HIPK2: variants seen among roughly 807,000 people sequenced by gnomAD.
The protein encoded by HIPK2 is homeodomain-interacting protein kinase 2.
A neutral mutation model predicts 113.7 loss-of-function variants in HIPK2; 27 were observed. The ratio of observed to expected loss-of-function variants is 0.24; its 90% CI spans 0.17 to 0.33. The LOEUF (loss-of-function observed/expected upper bound fraction) is 0.33, where lower values mean the gene tolerates loss of function less well. HIPK2 is among the 10% of genes least tolerant of loss of function. The probability of loss-of-function intolerance (pLI) is 1.00; values close to 1 mark genes in which losing one functional copy is unlikely to be tolerated. For synonymous variants in HIPK2, 631 were observed against 642.2 expected (o/e 0.98, Z 0.26); for missense variants, 1,257 against 1,588.0 (o/e 0.79, Z 3.54).
intron 2 of HIPK2, among the ~76,000 whole-genome samples, chr7:139,653,728 G>C (rs531458012): frequency 6.6e-6 from 1 of 151,630 alleles, no homozygotes; most frequent in African/African-American, 2.4e-5. Flanking sequence ...TGGCCTCCTC[G>C]AGACTGTTGT....
At chr7:139,582,224 G>A (rs1798689991) in intron 13 of HIPK2, among the ~76,000 whole-genome samples, 1 of 152,212 alleles carries the variant, frequency 6.6e-6, no homozygotes, top group Admixed American at 6.5e-5. Flanking sequence ...CTAATTTTGG[G>A]AGGGCTCCAG....
intron 10 of HIPK2, among the ~76,000 whole-genome samples, chr7:139,603,463 G>A (rs1200240372): frequency 6.6e-6 from 1 of 152,152 alleles, no homozygotes; most frequent in Admixed American, 6.5e-5. Flanking sequence ...ACAGATGCAG[G>A]GGGTATGCTG....
intron 2 of HIPK2, among the ~76,000 whole-genome samples, chr7:139,670,751 C>CTTTTTTTTT (rs1802244998): frequency 1.5e-4 from 9 of 58,986 alleles, no homozygotes; most frequent in African/African-American, 4.3e-4. Flanking sequence ...TTCTTTCTTT[C>CTTTTTTTTT]TTTCTTTCTT....
rs547691856 is a variant in HIPK2 at position 139,763,472 on chromosome 7, G to GCC, written c.19+14131_19+14132dup. On this transcript the variant is annotated intron_variant, in intron 1 of 14. Transcript: ENST00000406875. ...TAGGAGTAAGATTTTGCCGGAACAC[G>GCC]CCCCCCCCCCCACACGCCCCTCCCA... Among the ~76,000 whole-genome samples the GCC allele has an allele frequency of 3.9e-3, 392 of 100,764 alleles. 6 individuals are homozygous for GCC. Among genetic ancestry groups the GCC allele is most frequent in the South Asian group, 0.025 (63 of 2,558 alleles). 66.1% of individuals were successfully genotyped at this position (100,764 alleles called of 152,430 possible).
chr7:139,773,802 G>T (rs1000110594), intron 1 of HIPK2, among the ~76,000 whole-genome samples: 1 of 152,190 alleles, frequency 6.6e-6, no homozygotes, highest in Non-Finnish European at 1.5e-5. Flanking sequence ...ACCACCTCTG[G>T]GTGCTCCCTT....
intron 1 of HIPK2, among the ~76,000 whole-genome samples, chr7:139,762,215 G>C (rs904003060): frequency 5.9e-5 from 9 of 152,222 alleles, no homozygotes; most frequent in African/African-American, 2.2e-4. Context: ...TCATTGCTTA[G>C]ATGATTCTCT....
chr7:139,608,175 C>T (rs1302132077), intron 9 of HIPK2, among the ~76,000 whole-genome samples: 4 of 151,202 alleles, frequency 2.6e-5, no homozygotes, highest in African/African-American at 7.3e-5. Context: ...ACCCAGGAGG[C>T]GGAGGTTACA....
chr7:139,716,989 A>T lies in HIPK2; in HGVS notation c.46T>A (p.Ser16Thr). Reference protein sequence around the residue: ...EGMASHVQVFSPHTLQSSAFC... With the variant: ...EGMASHVQVFTPHTLQSSAFC... ...GCACTTGATTGAAGGGTGTGAGGGG[A>T]GAAAACTTGCACATGTGAGGCCATA... The change falls in exon 2 of 15, where the codon TCC (serine) becomes ACC (threonine). Residue 16 changes from serine (S) to threonine (T), a missense_variant. Physicochemically the swap from Ser to Thr is moderately conservative, Grantham distance 58. Transcript: ENST00000406875. The surrounding 1 kb of genome is among the most constrained non-coding windows in gnomAD (Gnocchi z 9.3). 6.2e-7 allele frequency: 1 copy of T among 1,611,256 alleles called. No individual in the cohort carries two copies. The highest frequency in any genetic ancestry group is 8.5e-7 in the Non-Finnish European group (1 of 1,177,600).
intron 9 of HIPK2, among the ~76,000 whole-genome samples, chr7:139,612,252 T>C (rs1034032393): frequency 6.6e-6 from 1 of 152,194 alleles, no homozygotes; most frequent in Non-Finnish European, 1.5e-5. Flanking sequence ...ACAACTTCCA[T>C]TTAACAAGAC....
chr7:139,738,906 T>C (rs73735607), intron 1 of HIPK2, among the ~76,000 whole-genome samples: 1,661 of 152,214 alleles, frequency 0.011, 32 homozygotes, highest in African/African-American at 0.038. Context: ...GTCCAAGACA[T>C]TGGCAAATTT....
At chr7:139,650,521 G>A (rs1050039707) in intron 2 of HIPK2, among the ~76,000 whole-genome samples, 2 of 150,714 alleles carry the variant, frequency 1.3e-5, no homozygotes, top group African/African-American at 4.9e-5. Flanking sequence ...ATAAGGGACC[G>A]ACTGAGGGTT....
chr7:139,742,243 G>A, intron 1 of HIPK2, among the ~76,000 whole-genome samples: 1 of 152,160 alleles, frequency 6.6e-6, no homozygotes, highest in Admixed American at 6.5e-5. Flanking sequence ...TAATATTTCT[G>A]AACACAGATT....
intron 2 of HIPK2, among the ~76,000 whole-genome samples, chr7:139,685,931 T>G (rs1794202993): frequency 6.6e-6 from 1 of 152,208 alleles, no homozygotes; most frequent in South Asian, 2.1e-4. Context: ...GATCAAGGGG[T>G]AATTTTGTCT....
Position 139,631,974 on chromosome 7 carries a change from C to T in HIPK2, c.1104-249G>A, listed in dbSNP as rs1800633482. Among the ~76,000 whole-genome samples, 1 of 152,188 alleles carries T rather than the reference C, an allele frequency of 6.6e-6. No individual in the cohort carries two copies. The highest frequency in any genetic ancestry group is 1.5e-5 in the Non-Finnish European group (1 of 68,040). On this transcript the variant is annotated intron_variant, in intron 2 of 14. Transcript: ENST00000406875. This position sits in a 1 kb window ranked among gnomAD's most constrained non-coding sequence, Gnocchi z 4.9. ...AGTCTGTGTGTTTAGAACACACCTA[C>T]AGAGAACCACGTCTACTGACTTCAT...
chr7:139,569,039 C>A lies in HIPK2; in HGVS notation c.*3888G>T, dbSNP rs1798178802. Reference sequence around the variant, plus strand: ...CACCCAGCGCACACAGCACAGTGCACTGAAGATGTGGCCGGAGCCCAGTGG... The same window carrying A: ...CACCCAGCGCACACAGCACAGTGCAATGAAGATGTGGCCGGAGCCCAGTGG... On this transcript the variant is annotated 3_prime_UTR_variant, in exon 15 of 15. Transcript: ENST00000406875. 2 of 152,594 alleles carry A rather than the reference C, an allele frequency of 1.3e-5. No individual in the cohort carries two copies. Among genetic ancestry groups the A allele is most frequent in the South Asian group, 4.1e-4 (2 of 4,842 alleles). The allele number at this position is 152,594 out of a possible 1,614,324, so 9.5% of individuals were successfully genotyped here. A position where few individuals can be genotyped will look rare whatever the true frequency, so the allele number is the denominator to read the frequency against.
intron 2 of HIPK2, among the ~76,000 whole-genome samples, chr7:139,681,808 C>A (rs535513946): frequency 6.6e-6 from 1 of 152,142 alleles, no homozygotes; most frequent in Non-Finnish European, 1.5e-5. Flanking sequence ...CACCACTGCT[C>A]CAGGGAGCAG....
At chr7:139,775,563 A>G (rs1474420371) in intron 1 of HIPK2, among the ~76,000 whole-genome samples, 1 of 152,170 alleles carries the variant, frequency 6.6e-6, no homozygotes, top group African/African-American at 2.4e-5. Flanking sequence ...GGGCACACGG[A>G]CAAGATGGAG....
rs1801760077 is a variant in HIPK2 at position 139,658,717 on chromosome 7, T to C, written c.1104-26992A>G. Among the ~76,000 whole-genome samples, 16 of 152,296 alleles carry C rather than the reference T, an allele frequency of 1.1e-4. No individual in the cohort carries two copies. The South Asian group carries it at 3.3e-3, about 32-fold the overall frequency. ...TGTGAAGGTGGGGATAAGATCTTGT[T>C]TTGTACATCCTAATTCTGAGTGCCC... is the stretch of plus-strand genomic sequence containing the variant. On this transcript the variant is annotated intron_variant, in intron 2 of 14. Coordinates refer to ENST00000406875, the MANE Select transcript of HIPK2 (RefSeq NM_022740.5).
At chr7:139,592,615 G>A (rs550805021) in intron 12 of HIPK2, among the ~76,000 whole-genome samples, 1 of 152,284 alleles carries the variant, frequency 6.6e-6, no homozygotes, top group African/African-American at 2.4e-5. Context: ...CATGACTAAA[G>A]GTTGTATGCT....
Sources: allele counts gnomAD v4.1 joint callset (sites outside exome capture counted in the v4.1 genomes callset), GRCh38; gene constraint gnomAD v4.1.1; non-coding constraint Gnocchi (gnomAD v3.1); transcripts MANE v1.5; gene names NCBI Gene and HGNC (gene_info 2026-07-23, HGNC 2026-07-21).